LPIN1: variants seen among roughly 807,000 people sequenced by gnomAD.
LPIN1 encodes the protein phosphatidate phosphatase LPIN1.
Under a neutral mutation model 107.5 loss-of-function variants are expected in LPIN1, and 71 were observed. The observed-to-expected ratio is 0.66, with a 90% CI of 0.55 to 0.80. LPIN1 has a LOEUF of 0.80. Ranked by LOEUF, LPIN1 falls within the 30% of genes least tolerant of loss-of-function variation. The probability of loss-of-function intolerance (pLI) is 0.00; values close to 1 mark genes in which losing one functional copy is unlikely to be tolerated. For missense variants in LPIN1, 1,043 were observed against 1,160.6 expected (o/e 0.90, Z 1.47); for synonymous variants, 445 against 452.6 (o/e 0.98, Z 0.21).
intron 9 of LPIN1, 59 bp from the exon 10 acceptor site, chr2:11,784,827 T>C: frequency 6.5e-7 from 1 of 1,544,132 alleles, no homozygotes; most frequent in Admixed American, 1.7e-5. Context: ...TGGATGGTGA[T>C]GTAGGACCCT....
chr2:11,772,225 C>G (rs59101452), intron 4 of LPIN1, among the ~76,000 whole-genome samples: 2,791 of 152,242 alleles, frequency 0.018, 83 homozygotes, highest in African/African-American at 0.063. Flanking sequence ...GCCAGCTTGC[C>G]CGCCGCTCAC....
intron 1 of LPIN1, among the ~76,000 whole-genome samples, chr2:11,761,146 AT>A (rs1454159423): frequency 6.6e-6 from 1 of 150,502 alleles, no homozygotes; most frequent in Admixed American, 6.6e-5. Context: ...CAAAGATGTT[AT>A]TAATACTGCT....
rs1672286348 is a variant in LPIN1, at chr2:11,774,015, C to T, written c.722+270C>T. On this transcript the variant is annotated intron_variant, in intron 5 of 20. Coordinates refer to ENST00000674199, the MANE Select transcript of LPIN1 (RefSeq NM_001349206.2). The surrounding 1 kb of genome is among the most constrained non-coding windows in gnomAD (Gnocchi z 4.4). ...GGAAAAACATGTAAATTACATCATGCTAATTGTTAATAGGAGAAAACACAG... is the reference window on the plus strand; with the variant it reads ...GGAAAAACATGTAAATTACATCATGTTAATTGTTAATAGGAGAAAACACAG... 6.6e-6 allele frequency among the ~76,000 whole-genome samples: 1 copy of T among 152,266 alleles called. No individual in the cohort carries two copies. The highest frequency in any genetic ancestry group is 2.1e-4 in the South Asian group (1 of 4,826).
intron 1 of LPIN1, among the ~76,000 whole-genome samples, chr2:11,678,092 T>G (rs1393018379): frequency 6.6e-6 from 1 of 152,174 alleles, no homozygotes; most frequent in Non-Finnish European, 1.5e-5. Context: ...GTCTGTCCAG[T>G]TTGTGTGCAG....
chr2:11,737,628 T>C (rs1411010232), intron 1 of LPIN1, among the ~76,000 whole-genome samples: 1 of 152,166 alleles, frequency 6.6e-6, no homozygotes, highest in African/African-American at 2.4e-5. Context: ...AACAAATGTA[T>C]GAAAAAAAGC....
At chr2:11,795,021 A>T (rs1178716437) in intron 13 of LPIN1, among the ~76,000 whole-genome samples, 1 of 152,224 alleles carries the variant, frequency 6.6e-6, no homozygotes, top group Non-Finnish European at 1.5e-5. Context: ...AAAATATGGT[A>T]CAAAAATATT....
At chr2:11,714,288 T>C (rs1193767257) in intron 2 of LPIN1, among the ~76,000 whole-genome samples, 1 of 152,234 alleles carries the variant, frequency 6.6e-6, no homozygotes, top group Non-Finnish European at 1.5e-5. Context: ...CTCTTTGCCT[T>C]GCACCTGGTT....
In LPIN1 at chr2:11,717,749, C is replaced by T. The variant is rs146020419; in HGVS notation, c.138+3937C>T. 1.9e-3 allele frequency among the ~76,000 whole-genome samples: 285 copies of T among 151,826 alleles called. 2 individuals are homozygous for T. The highest frequency in any genetic ancestry group is 0.013 in the East Asian group (65 of 5,162). On this transcript the variant is annotated intron_variant, in intron 2 of 21. Transcript: ENST00000449576. ...ATAATAACTCATTTATTCCTCACAA[C>T]GGCCTTCTAAGTTGGTCCCATTATG...
At chr2:11,706,338 G>C (rs988711402) in intron 1 of LPIN1, among the ~76,000 whole-genome samples, 1 of 152,218 alleles carries the variant, frequency 6.6e-6, no homozygotes, top group Non-Finnish European at 1.5e-5. Flanking sequence ...GTCCCCCAAA[G>C]ATGCCCCATC....
chr2:11,725,260 C>CAAA (rs1229449038), intron 1 of LPIN1, among the ~76,000 whole-genome samples: 1 of 117,872 alleles, frequency 8.5e-6, no homozygotes. Context: ...GACTCCGTCT[C>CAAA]AAAAACAAAA....
chr2:11,791,131 T>A (rs1051924275), intron 12 of LPIN1, among the ~76,000 whole-genome samples: 1 of 152,226 alleles, frequency 6.6e-6, no homozygotes, highest in African/African-American at 2.4e-5. Flanking sequence ...CAGATAGGGA[T>A]CTTTTAAGCT....
intron 1 of LPIN1, among the ~76,000 whole-genome samples, chr2:11,733,807 C>T (rs900181919): frequency 2.6e-5 from 4 of 152,036 alleles, no homozygotes; most frequent in Admixed American, 2.0e-4. Context: ...GCTTTCTTTC[C>T]AAGGACTGGA....
chr2:11,736,577 A>G lies in LPIN1; in HGVS notation c.-71-4772A>G, dbSNP rs566039784. ...AACAGATGAATTTTGGGGGGCACAA[A>G]GATTCAGTCAATAGCAGATGCATTT... On this transcript the variant is annotated intron_variant, in intron 1 of 21. Coordinates refer to the LPIN1 transcript ENST00000396097. Among the ~76,000 whole-genome samples, 414 of 152,360 alleles carry G rather than the reference A, an allele frequency of 2.7e-3. 2 individuals carry two copies. The highest frequency in any genetic ancestry group is 4.6e-3 in the Non-Finnish European group (310 of 68,030).
intron 8 of LPIN1, 112 bp from the exon 9 acceptor site, chr2:11,783,717 G>C: frequency 1.1e-6 from 1 of 888,744 alleles, no homozygotes; most frequent in African/African-American, 1.6e-5. Flanking sequence ...GGCAGTTTGA[G>C]TACCTGGGAG....
Position 11,786,536 on chromosome 2 carries a change from C to T in LPIN1, c.1550-538C>T, listed in dbSNP as rs1674610175. Among the ~76,000 whole-genome samples, 5 of 152,232 alleles carry T rather than the reference C, an allele frequency of 3.3e-5. No individual in the cohort carries two copies. The South Asian group carries it at 1.0e-3, about 32-fold the overall frequency. On this transcript the variant is annotated intron_variant, in intron 10 of 20. Coordinates refer to ENST00000674199, the MANE Select transcript of LPIN1 (RefSeq NM_001349206.2). This position sits in a 1 kb window ranked among gnomAD's most constrained non-coding sequence, Gnocchi z 4.1. Reference sequence around the variant, plus strand: ...GCCCCACCATGATGAGAACAGTGCCCTGCCTGCTTCTGATTGTGGTGGAGG... The same window carrying T: ...GCCCCACCATGATGAGAACAGTGCCTTGCCTGCTTCTGATTGTGGTGGAGG...
chr2:11,686,836 G>C (rs117357125), intron 1 of LPIN1, among the ~76,000 whole-genome samples: 1 of 151,992 alleles, frequency 6.6e-6, no homozygotes, highest in African/African-American at 2.4e-5. Context: ...GGTAAGTAGA[G>C]CCCAGGCACT....
At position 11,803,499 on chromosome 2, in the gene LPIN1, T is replaced by G. The variant is rs569345732; in HGVS notation, c.2013+466T>G. On this transcript the variant is annotated intron_variant, in intron 15 of 20. Coordinates refer to ENST00000674199, the MANE Select transcript of LPIN1 (RefSeq NM_001349206.2). The surrounding 1 kb of genome is among the most constrained non-coding windows in gnomAD (Gnocchi z 4.2). The stretch of plus-strand genomic sequence containing the variant: ...TGGTCATGGTGTCCTTTTATTTTTC[T>G]GTGTGTGAGACCAGTTTTAATTAAA... 5.3e-5 allele frequency among the ~76,000 whole-genome samples: 8 copies of G among 152,344 alleles called. No individual in the cohort carries two copies. Among genetic ancestry groups the G allele is most frequent in the African/African-American group, 1.9e-4 (8 of 41,582 alleles).
chr2:11,803,405 T>TC lies in LPIN1; in HGVS notation c.2013+373dup, dbSNP rs1678125288. Among the ~76,000 whole-genome samples, 1 of 152,292 alleles carries TC rather than the reference T, an allele frequency of 6.6e-6. No individual in the cohort carries two copies. The highest frequency in any genetic ancestry group is 2.1e-4 in the South Asian group (1 of 4,818). On this transcript the variant is annotated intron_variant, in intron 15 of 20. Transcript: ENST00000674199. The surrounding 1 kb of genome is among the most constrained non-coding windows in gnomAD (Gnocchi z 4.2). ...AGATGTTTGTTAACTCAAATGCATCTCTTAAGTTGGTGGAAATCAAGCAGT... is the reference window on the plus strand; with the variant it reads ...AGATGTTTGTTAACTCAAATGCATCTCCTTAAGTTGGTGGAAATCAAGCAGT...
upstream of LPIN1, among the ~76,000 whole-genome samples, chr2:11,741,782 G>GC (rs146819822): frequency 0.14 from 21,858 of 151,816 alleles, 3,101 homozygotes; most frequent in African/African-American, 0.37. Context: ...CTGCACTCCA[G>GC]CTGGGCGACA....
Sources: gnomAD v4.1 joint callset for allele counts (sites outside exome capture counted in the v4.1 genomes callset) on GRCh38, gnomAD v4.1.1 for gene constraint, Gnocchi (gnomAD v3.1) non-coding constraint, MANE v1.5 for transcripts, NCBI Gene and HGNC (gene_info 2026-07-23, HGNC 2026-07-21) for gene names.